The following EYA3 variants were observed in gnomAD, a reference collection of about 807,000 sequenced individuals.
EYA3 encodes the protein EYA transcriptional coactivator and phosphatase 3.
EYA3 carries 39 observed loss-of-function variants against 80.0 expected under a neutral mutation model. The ratio of observed to expected loss-of-function variants is 0.49; its 90% CI spans 0.38 to 0.64. The LOEUF (loss-of-function observed/expected upper bound fraction) is 0.64, where lower values mean the gene tolerates loss of function less well. EYA3 is among the 30% of genes least tolerant of loss of function. The probability of loss-of-function intolerance (pLI) is 0.00; values close to 1 mark genes in which losing one functional copy is unlikely to be tolerated. For missense variants in EYA3, 523 were observed against 676.1 expected (o/e 0.77, Z 2.51); for synonymous variants, 206 against 232.8 (o/e 0.88, Z 1.05).
At chr1:28,017,084 G>T in intron 8 of EYA3, 70 bp downstream of exon 8, 3 of 1,340,750 alleles carry the variant, frequency 2.2e-6, no homozygotes, top group South Asian at 2.4e-5. Context: ...TAGGCAAATT[G>T]ACCATGGAAA....
At chr1:28,065,814 C>A (rs1427563859) in intron 1 of EYA3, among the ~76,000 whole-genome samples, 3 of 151,120 alleles carry the variant, frequency 2.0e-5, no homozygotes, top group African/African-American at 7.3e-5. Flanking sequence ...GCCAGCCTGG[C>A]GAACATGGTG....
Position 28,013,880 on chromosome 1 carries a change from T to C in EYA3, c.586-586A>G, listed in dbSNP as rs148194146. Among the ~76,000 whole-genome samples, 987 of 152,248 alleles carry C rather than the reference T, an allele frequency of 6.5e-3. 9 individuals carry two copies. The highest frequency in any genetic ancestry group is 0.022 in the African/African-American group (912 of 41,542). On this transcript the variant is annotated intron_variant, in intron 8 of 17. Coordinates refer to ENST00000373871, the MANE Select transcript of EYA3 (RefSeq NM_001990.4). The surrounding 1 kb of genome is among the most constrained non-coding windows in gnomAD (Gnocchi z 4.0). ...GAGTTCAAGACCAGCCTGACCAACA[T>C]GGTGAAACCCTGTTTCTACTAAAAA...
At chr1:27,978,935 C>T (rs1639128521) in intron 16 of EYA3, among the ~76,000 whole-genome samples, 3 of 152,236 alleles carry the variant, frequency 2.0e-5, no homozygotes, top group African/African-American at 7.2e-5. Flanking sequence ...GCACTCCAGC[C>T]TGGGCAACAA....
rs767905057 is a variant in EYA3, at chr1:28,038,932, T to A, written c.158-27A>T. The A allele has an allele frequency of 2.6e-6, 4 of 1,538,512 alleles. No homozygotes were observed. In the Admixed American group the frequency reaches 6.9e-5, roughly 27 times the overall value. On this transcript the variant is annotated intron_variant, in intron 4 of 17. Coordinates refer to ENST00000373871, the MANE Select transcript of EYA3 (RefSeq NM_001990.4). Reference sequence around the variant, plus strand: ...TGAAAGAAAGATAATATCACCAGGTTAAAAAGTTAGAACATTTCGAAAATG... The same window carrying A: ...TGAAAGAAAGATAATATCACCAGGTAAAAAAGTTAGAACATTTCGAAAATG...
At chr1:28,063,305 ATTTT>A (rs199595508) in intron 1 of EYA3, among the ~76,000 whole-genome samples, 1 of 75,932 alleles carries the variant, frequency 1.3e-5, no homozygotes, top group African/African-American at 4.8e-5. Context: ...ATATATATAT[ATTTT>A]TTTTTATTTT....
intron 6 of EYA3, 140 bp downstream of exon 6, chr1:28,035,404 C>T: frequency 1.3e-6 from 1 of 777,410 alleles, no homozygotes; most frequent in Non-Finnish European, 2.1e-6. Flanking sequence ...TTATTACATG[C>T]ATCAAACATA....
chr1:28,074,466 C>T (rs758876898), intron 1 of EYA3, among the ~76,000 whole-genome samples: 4 of 151,516 alleles, frequency 2.6e-5, no homozygotes, highest in Non-Finnish European at 5.9e-5. Flanking sequence ...TTCACAAAAC[C>T]TTACTTTAGT....
Position 27,974,343 on chromosome 1 carries a change from G to A in EYA3, c.*123C>T. ...AGAGGGAGAGAGAGAAAGAGAGAAA[G>A]AGAGAGAGATAGAGACAGAGACACA... On this transcript the variant is annotated 3_prime_UTR_variant, in exon 18 of 18. Transcript: ENST00000373871. 1.7e-6 allele frequency: 1 copy of A among 587,316 alleles called. No homozygotes were observed. The highest frequency in any genetic ancestry group is 3.0e-6 in the Non-Finnish European group (1 of 336,312). 36.4% of individuals were successfully genotyped at this position (587,316 alleles called of 1,614,324 possible).
intron 10 of EYA3, among the ~76,000 whole-genome samples, chr1:28,007,388 G>A (rs1641365113): frequency 6.7e-6 from 1 of 148,300 alleles, no homozygotes; most frequent in Admixed American, 6.8e-5. Flanking sequence ...AGGCTGGAGT[G>A]CAGTGGTACG....
intron 7 of EYA3, among the ~76,000 whole-genome samples, chr1:28,020,667 C>CGTGTGTGTGTGTGT (rs56017264): frequency 0.016 from 2,203 of 134,488 alleles, 46 homozygotes; most frequent in Non-Finnish European, 0.02. Context: ...TACAGATCAT[C>CGTGTGTGTGTGTGT]GTGTGTGTGT....
chr1:28,000,377 A>C (rs1247691108), intron 11 of EYA3, among the ~76,000 whole-genome samples: 1 of 151,802 alleles, frequency 6.6e-6, no homozygotes, highest in Admixed American at 6.6e-5. Flanking sequence ...CAGTGGTGCA[A>C]TCTTGGCTCA....
intron 12 of EYA3, among the ~76,000 whole-genome samples, chr1:27,999,079 T>C (rs969031039): frequency 2.0e-5 from 3 of 152,240 alleles, no homozygotes; most frequent in Non-Finnish European, 4.4e-5. Flanking sequence ...TATAAAATCC[T>C]ATATTACTTT....
chr1:27,987,533 C>A (rs1639753162), intron 16 of EYA3, among the ~76,000 whole-genome samples: 1 of 152,186 alleles, frequency 6.6e-6, no homozygotes, highest in South Asian at 2.1e-4. Context: ...CCAGGCTGAA[C>A]TCAAACTCCT....
intron 4 of EYA3, among the ~76,000 whole-genome samples, chr1:28,041,375 A>C (rs917164897): frequency 2.8e-4 from 43 of 151,952 alleles, no homozygotes; most frequent in African/African-American, 1.0e-3. Context: ...TAAAAAATAC[A>C]AACAAACAAC....
At chr1:28,088,104 G>A (rs776254904) in intron 1 of EYA3, among the ~76,000 whole-genome samples, 5 of 152,010 alleles carry the variant, frequency 3.3e-5, no homozygotes, top group Non-Finnish European at 7.4e-5. Flanking sequence ...TCAGTTTCTC[G>A]TGGTGAAGAG....
chr1:28,032,484 G>A (rs1643207118), intron 6 of EYA3, among the ~76,000 whole-genome samples: 1 of 152,060 alleles, frequency 6.6e-6, no homozygotes, highest in African/African-American at 2.4e-5. Flanking sequence ...AATTACTGAG[G>A]GAAATGAAAT....
intron 1 of EYA3, among the ~76,000 whole-genome samples, chr1:28,078,082 TG>T (rs1309111707): frequency 2.0e-5 from 3 of 152,220 alleles, no homozygotes; most frequent in Non-Finnish European, 4.4e-5. Context: ...TATAAGTGTT[TG>T]TTAAAGAAAA....
rs574014151 is a variant in EYA3 at position 28,019,158 on chromosome 1, A to G, written c.500-1919T>C. 1.8e-3 allele frequency among the ~76,000 whole-genome samples: 269 copies of G among 152,218 alleles called. 1 individual carries two copies. The highest frequency in any genetic ancestry group is 7.5e-3 in the South Asian group (36 of 4,822). The stretch of plus-strand genomic sequence containing the variant: ...TCCAGCCTGGGCGACAGAGTGACTC[A>G]GTCTCAAAAAATAAATTAAAAAAAA... On this transcript the variant is annotated intron_variant, in intron 7 of 17. Coordinates refer to ENST00000373871, the MANE Select transcript of EYA3 (RefSeq NM_001990.4).
intron 1 of EYA3, among the ~76,000 whole-genome samples, chr1:28,070,907 G>A (rs1644997338): frequency 6.6e-6 from 1 of 152,112 alleles, no homozygotes; most frequent in Admixed American, 6.6e-5. Context: ...CTTAAAGTCT[G>A]CATACATTCA....
Sources: allele counts gnomAD v4.1 joint callset (sites outside exome capture counted in the v4.1 genomes callset), GRCh38; gene constraint gnomAD v4.1.1; non-coding constraint Gnocchi (gnomAD v3.1); transcripts MANE v1.5; gene names NCBI Gene and HGNC (gene_info 2026-07-23, HGNC 2026-07-21).